DAB1: variants seen among roughly 807,000 people sequenced by gnomAD.
The protein encoded by DAB1 is disabled homolog 1.
DAB1 carries 15 observed loss-of-function variants against 64.6 expected under a neutral mutation model. That is an observed-to-expected ratio of 0.23 (90% CI 0.16 to 0.36). DAB1 has a LOEUF of 0.36. Ranked by LOEUF, DAB1 falls within the 10% of genes least tolerant of loss-of-function variation. DAB1 has a pLI of 1.00. For missense variants in DAB1, 596 were observed against 706.7 expected, an observed-to-expected ratio of 0.84 and a Z score of 1.78; for synonymous variants, 235 against 251.9, an observed-to-expected ratio of 0.93 and a Z score of 0.64.
At chr1:57,364,832 AT>A (rs1260660476) in intron 1 of DAB1, among the ~76,000 whole-genome samples, 1 of 149,780 alleles carries the variant, frequency 6.7e-6, no homozygotes, top group Non-Finnish European at 1.5e-5. Flanking sequence ...GAAATAATAA[AT>A]TGTTTAGGGA....
At chr1:57,065,901 C>T (rs1042465641) in intron 8 of DAB1, among the ~76,000 whole-genome samples, 21 of 152,138 alleles carry the variant, frequency 1.4e-4, no homozygotes, top group African/African-American at 4.3e-4. Flanking sequence ...CCGTGCCAGA[C>T]GCATGTGATT....
rs868766590 is a variant in DAB1, at chr1:57,007,091, A to C, written c.*15+3589T>G. Among the ~76,000 whole-genome samples the C allele has an allele frequency of 2.0e-5, 3 of 151,462 alleles. 1 individual carries two copies. In the Middle Eastern group the frequency reaches 0.01, roughly 515 times the overall value. On this transcript the variant is annotated intron_variant, in intron 14 of 14. Coordinates refer to ENST00000371236, the MANE Select transcript of DAB1 (RefSeq NM_001365792.1). ...GTCTTCCCAAAGCATCTGAGGTTTC[A>C]GCTTTCTTTTCCCTTGAACACTAGA... is the stretch of plus-strand genomic sequence containing the variant.
chr1:57,075,902 G>T (rs948241838), intron 4 of DAB1, among the ~76,000 whole-genome samples: 3 of 152,208 alleles, frequency 2.0e-5, no homozygotes, highest in African/African-American at 7.2e-5. Context: ...TTGATAAGCT[G>T]GGATGAGGAA....
intron 3 of DAB1, among the ~76,000 whole-genome samples, chr1:58,402,686 A>G (rs529327042): frequency 3.3e-5 from 5 of 152,180 alleles, no homozygotes; most frequent in Non-Finnish European, 4.4e-5. Flanking sequence ...TTTCATTTGT[A>G]TCGGATCCAG....
intron 1 of DAB1, among the ~76,000 whole-genome samples, chr1:57,326,698 C>A (rs1339509764): frequency 1.3e-5 from 2 of 152,188 alleles, no homozygotes; most frequent in Non-Finnish European, 1.5e-5. Context: ...TGGACAGTCA[C>A]TTTCTTCCGG....
At chr1:57,873,901 G>C (rs1039943671) in intron 1 of DAB1, 1 of 152,132 alleles carries the variant, frequency 6.6e-6, no homozygotes, top group East Asian at 1.9e-4. Context: ...GCCATTGGCA[G>C]ACTGAACACT....
chr1:57,426,993 A>C (rs1176589219), upstream of DAB1, among the ~76,000 whole-genome samples: 1 of 151,608 alleles, frequency 6.6e-6, no homozygotes, highest in Non-Finnish European at 1.5e-5. Context: ...CCTCTCAAGT[A>C]GCTGGGACTA....
At chr1:57,034,288 A>AAAAAAAAAAG (rs1482941373) in intron 9 of DAB1, among the ~76,000 whole-genome samples, 6 of 151,492 alleles carry the variant, frequency 4.0e-5, no homozygotes, top group African/African-American at 1.2e-4. Flanking sequence ...CAAAAAAAAA[A>AAAAAAAAAAG]AAAGAAATGC....
At chr1:57,997,655 G>A (rs977886657) in intron 5 of DAB1, among the ~76,000 whole-genome samples, 6 of 152,078 alleles carry the variant, frequency 3.9e-5, no homozygotes, top group African/African-American at 1.4e-4. Context: ...GGGAAATATT[G>A]CTGAACTGGG....
intron 7 of DAB1, among the ~76,000 whole-genome samples, chr1:57,551,009 T>C (rs1644907913): frequency 6.6e-6 from 1 of 152,208 alleles, no homozygotes. Flanking sequence ...GGAATCTGGA[T>C]ATCTCAGGGG....
At chr1:57,395,323 G>C (rs1313328807) in intron 1 of DAB1, among the ~76,000 whole-genome samples, 3 of 152,180 alleles carry the variant, frequency 2.0e-5, no homozygotes, top group African/African-American at 7.2e-5. Context: ...ACTGCTCCCA[G>C]CCCTAATGTG....
chr1:57,425,272 T>A (rs151218775), upstream of DAB1, among the ~76,000 whole-genome samples: 5 of 152,272 alleles, frequency 3.3e-5, no homozygotes, highest in East Asian at 9.6e-4. Flanking sequence ...AGTTTACCGT[T>A]ACTCTTTTTG....
rs562413306 is a variant in DAB1 at position 57,589,207 on chromosome 1, C to T, written n.625+60385G>A. Among the ~76,000 whole-genome samples, 16 of 151,842 alleles carry T rather than the reference C, an allele frequency of 1.1e-4. No individual in the cohort carries two copies. The South Asian group carries it at 2.3e-3, about 22-fold the overall frequency. ...TGCACTCCAGCCTGGGCAACAACAGCGAAACTCCATCTCAAAAAACAAAAA... is the reference window on the plus strand; with the variant it reads ...TGCACTCCAGCCTGGGCAACAACAGTGAAACTCCATCTCAAAAAACAAAAA... On this transcript the variant is annotated intron_variant and non_coding_transcript_variant, in intron 7 of 20. Transcript: ENST00000485760.
intron 4 of DAB1, among the ~76,000 whole-genome samples, chr1:58,265,430 C>A (rs1661137036): frequency 6.6e-6 from 1 of 152,214 alleles, no homozygotes; most frequent in Non-Finnish European, 1.5e-5. Flanking sequence ...TTGACCAGTT[C>A]CCTTTCTTCT....
intron 1 of DAB1, among the ~76,000 whole-genome samples, chr1:57,856,275 A>G (rs1232967538): frequency 6.6e-6 from 1 of 152,082 alleles, no homozygotes; most frequent in Non-Finnish European, 1.5e-5. Flanking sequence ...GAGAAGCAGG[A>G]TGCTTCTTTT....
intron 7 of DAB1, among the ~76,000 whole-genome samples, chr1:57,493,490 A>C (rs1644190611): frequency 6.6e-6 from 1 of 152,226 alleles, no homozygotes; most frequent in Non-Finnish European, 1.5e-5. Flanking sequence ...AAGGCAGTAT[A>C]GTATTCCATT....
chr1:58,521,308 G>A (rs79492219), intron 2 of DAB1, among the ~76,000 whole-genome samples: 2,507 of 148,428 alleles, frequency 0.017, 55 homozygotes, highest in East Asian at 0.13. Flanking sequence ...GAAAATGTAC[G>A]GCCTTAAATG....
At chr1:57,942,838 G>C (rs1389637917) in intron 5 of DAB1, among the ~76,000 whole-genome samples, 1 of 152,140 alleles carries the variant, frequency 6.6e-6, no homozygotes, top group Non-Finnish European at 1.5e-5. Flanking sequence ...GTCTTGCTGA[G>C]TCATTGTGTT....
chr1:57,048,988 C>T (rs1648869954), intron 9 of DAB1, among the ~76,000 whole-genome samples: 1 of 152,194 alleles, frequency 6.6e-6, no homozygotes, highest in Admixed American at 6.5e-5. Context: ...GAGTCTTTTA[C>T]AACTCTGCTT....
Sources: allele counts gnomAD v4.1 joint callset (sites outside exome capture counted in the v4.1 genomes callset), GRCh38; gene constraint gnomAD v4.1.1; transcripts MANE v1.5; gene names NCBI Gene and HGNC (gene_info 2026-07-23, HGNC 2026-07-21).